Variants in TCF12 observed in about 807,000 individuals in gnomAD.
TCF12 encodes the protein DNA-binding protein HTF4.
Under a neutral mutation model 86.0 loss-of-function variants are expected in TCF12, and 45 were observed. That is an observed-to-expected ratio of 0.52 (90% CI 0.41 to 0.67). The LOEUF (loss-of-function observed/expected upper bound fraction) is 0.67. TCF12 is among the 30% of genes least tolerant of loss of function. The pLI, the probability that TCF12 is intolerant of heterozygous loss-of-function variation, is 0.00. For synonymous variants in TCF12, 330 were observed against 299.6 expected, an observed-to-expected ratio of 1.10 and a Z score of -1.05; for missense variants, 881 against 859.9, an observed-to-expected ratio of 1.02 and a Z score of -0.31.
In TCF12 at chr15:57,282,386, T is replaced by G. The variant is rs551711520; in HGVS notation, c.1979-59T>G. ...ACAAAACAACAGCAATTTGTTCAGC[T>G]TGAGACCTAATTCATAACTTAAAAC... On this transcript the variant is annotated intron_variant, in intron 19 of 20. Coordinates refer to ENST00000333725, the MANE Select transcript of TCF12 (RefSeq NM_207037.2). 30 of 1,602,506 alleles carry G rather than the reference T, an allele frequency of 1.9e-5. No individual in the cohort carries two copies. In the African/African-American group the frequency reaches 3.2e-4, roughly 17 times the overall value.
At chr15:57,248,175 C>A in intron 13 of TCF12, 1 of 693,618 alleles carries the variant, frequency 1.4e-6, no homozygotes, top group Non-Finnish European at 2.6e-6. Context: ...CCCCTTACGT[C>A]TTATTGGCCA....
At chr15:57,084,776 T>C (rs1323541413) in intron 4 of TCF12, among the ~76,000 whole-genome samples, 3 of 151,120 alleles carry the variant, frequency 2.0e-5, no homozygotes, top group Non-Finnish European at 4.4e-5. Flanking sequence ...AATTGTATAT[T>C]AATTGTATAT....
chr15:56,919,844 A>T, intron 1 of TCF12, 48 bp from the exon 2 acceptor site: 1 of 1,549,700 alleles, frequency 6.5e-7, no homozygotes, highest in Non-Finnish European at 8.9e-7. Flanking sequence ...TCCCTCACAC[A>T]CTTTGGGCCT....
intron 15 of TCF12, 87 bp from the exon 16 acceptor site, chr15:57,253,175 C>G: frequency 7.0e-7 from 1 of 1,434,626 alleles, no homozygotes; most frequent in Non-Finnish European, 9.7e-7. Context: ...TGCTATCTTC[C>G]ACATATCACA....
At chr15:56,922,543 C>T (rs188175417) in intron 3 of TCF12, among the ~76,000 whole-genome samples, 1 of 152,078 alleles carries the variant, frequency 6.6e-6, no homozygotes, top group Admixed American at 6.5e-5. Context: ...AATTTTTGGA[C>T]TTCAGTACGT....
intron 3 of TCF12, among the ~76,000 whole-genome samples, chr15:56,934,925 G>C (rs2140295874): frequency 6.6e-6 from 1 of 152,116 alleles, no homozygotes; most frequent in East Asian, 1.9e-4. Context: ...TGCGTGACTG[G>C]ACTCAAGAAA....
At chr15:57,137,057 G>T (rs1449071758) in intron 5 of TCF12, among the ~76,000 whole-genome samples, 2 of 141,224 alleles carry the variant, frequency 1.4e-5, no homozygotes, top group East Asian at 4.3e-4. Flanking sequence ...TCGGCTCACT[G>T]CGAGCTCTGT....
intron 3 of TCF12, among the ~76,000 whole-genome samples, chr15:57,047,043 T>G (rs1187956779): frequency 6.6e-6 from 1 of 152,186 alleles, no homozygotes; most frequent in Non-Finnish European, 1.5e-5. Context: ...TACAAGTTCT[T>G]TAGTTTGAAA....
intron 3 of TCF12, among the ~76,000 whole-genome samples, chr15:56,949,822 G>A (rs534909762): frequency 6.6e-6 from 1 of 152,266 alleles, no homozygotes; most frequent in Non-Finnish European, 1.5e-5. Context: ...GTGTCATGGG[G>A]TTATAGAGGT....
intron 5 of TCF12, among the ~76,000 whole-genome samples, chr15:57,098,034 AAC>A (rs1178533586): frequency 7.4e-6 from 1 of 134,582 alleles, no homozygotes. Context: ...AAAAAAAAAA[AAC>A]CAGTCAGGCA....
chr15:57,133,874 G>A (rs2052330930), intron 5 of TCF12, among the ~76,000 whole-genome samples: 1 of 152,112 alleles, frequency 6.6e-6, no homozygotes, highest in African/African-American at 2.4e-5. Context: ...TACGCTTTCT[G>A]TATTTCTAAT....
At chr15:57,200,033 C>CA (rs1465323908) in intron 8 of TCF12, among the ~76,000 whole-genome samples, 4 of 149,400 alleles carry the variant, frequency 2.7e-5, no homozygotes, top group African/African-American at 9.9e-5. Flanking sequence ...AGGGACAGGC[C>CA]ACCACGGCTG....
intron 6 of TCF12, among the ~76,000 whole-genome samples, chr15:57,189,993 T>G (rs2056897681): frequency 6.6e-6 from 1 of 152,186 alleles, no homozygotes; most frequent in African/African-American, 2.4e-5. Flanking sequence ...GGCCACATAT[T>G]GTATGAGTCC....
At chr15:57,023,201 AGAGATT>A (rs1182917630) in intron 3 of TCF12, among the ~76,000 whole-genome samples, 1 of 152,168 alleles carries the variant, frequency 6.6e-6, no homozygotes, top group Non-Finnish European at 1.5e-5. Context: ...CTTGTTTCAT[AGAGATT>A]ATTTTTTAAG....
chr15:57,283,769 A>G (rs1407973464), intron 20 of TCF12, among the ~76,000 whole-genome samples: 1 of 152,188 alleles, frequency 6.6e-6, no homozygotes, highest in African/African-American at 2.4e-5. Flanking sequence ...TGATAGATAA[A>G]CTACAAATAT....
intron 12 of TCF12, among the ~76,000 whole-genome samples, chr15:57,234,621 C>T (rs931767488): frequency 1.3e-5 from 2 of 151,948 alleles, no homozygotes; most frequent in Admixed American, 6.6e-5. Context: ...TGAAGGAATC[C>T]GATAGTATTT....
chr15:56,982,094 A>G (rs1263107992), intron 3 of TCF12, among the ~76,000 whole-genome samples: 5 of 152,228 alleles, frequency 3.3e-5, no homozygotes, highest in African/African-American at 7.2e-5. Flanking sequence ...AAATTTAGAT[A>G]TAATTTACCA....
intron 16 of TCF12, among the ~76,000 whole-genome samples, chr15:57,260,439 A>G (rs577363069): frequency 6.6e-6 from 1 of 152,324 alleles, no homozygotes; most frequent in African/African-American, 2.4e-5. Context: ...CATGTATAAC[A>G]TACACTAAGT....
chr15:56,920,978 A>T, intron 2 of TCF12, 48 bp from the exon 3 acceptor site: 11 of 1,462,854 alleles, frequency 7.5e-6, no homozygotes, highest in Non-Finnish European at 1.0e-5. Flanking sequence ...TTTGCAAGGA[A>T]TCTAGAAGAA....
Sources: gnomAD v4.1 joint callset for allele counts (sites outside exome capture counted in the v4.1 genomes callset) on GRCh38, gnomAD v4.1.1 for gene constraint, MANE v1.5 for transcripts, NCBI Gene and HGNC (gene_info 2026-07-23, HGNC 2026-07-21) for gene names.